The following SLC44A5 variants were observed in gnomAD, a reference collection of about 807,000 sequenced individuals.
SLC44A5 encodes the protein solute carrier family 44 member 5.
Under a neutral mutation model 101.8 loss-of-function variants are expected in SLC44A5, and 57 were observed. The observed-to-expected ratio is 0.56, with a 90% CI of 0.45 to 0.70. The LOEUF (loss-of-function observed/expected upper bound fraction) is 0.70, where lower values mean the gene tolerates loss of function less well. SLC44A5 is among the 30% of genes least tolerant of loss of function. The pLI is 0.00. For synonymous variants in SLC44A5, 281 were observed against 290.9 expected, an observed-to-expected ratio of 0.97 and a Z score of 0.35; for missense variants, 737 against 853.1, an observed-to-expected ratio of 0.86 and a Z score of 1.70.
At chr1:75,552,974 A>G (rs211782) in intron 1 of SLC44A5, among the ~76,000 whole-genome samples, 144,615 of 152,102 alleles carry the variant, frequency 0.95, 68,787 homozygotes, top group East Asian at 0.98. Flanking sequence ...ATCGTTCCTG[A>G]CATTTAACAG....
At chr1:75,719,438 A>G in the SLC44A5 span, among the ~76,000 whole-genome samples, 1 of 152,150 alleles carries the variant, frequency 6.6e-6, no homozygotes, top group African/African-American at 2.4e-5. Context: ...TCCTAGTATA[A>G]TTTATCCTTG....
At chr1:75,624,761 T>C in the SLC44A5 span, among the ~76,000 whole-genome samples, 1 of 152,170 alleles carries the variant, frequency 6.6e-6, no homozygotes, top group African/African-American at 2.4e-5. Context: ...ATCTTCTCTC[T>C]GAACCTCAAT....
chr1:75,697,091 C>T, the SLC44A5 span, among the ~76,000 whole-genome samples: 1 of 152,018 alleles, frequency 6.6e-6, no homozygotes, highest in Non-Finnish European at 1.5e-5. Flanking sequence ...TAAATTATAT[C>T]TCAATAAAGT....
the SLC44A5 span, among the ~76,000 whole-genome samples, chr1:75,631,640 G>A: frequency 5.1e-5 from 7 of 137,382 alleles, no homozygotes; most frequent in Middle Eastern, 9.2e-3. Flanking sequence ...TCTGCCTCCC[G>A]ATTCTCCTGC....
the SLC44A5 span, among the ~76,000 whole-genome samples, chr1:75,691,898 G>T: frequency 6.6e-6 from 1 of 152,130 alleles, no homozygotes; most frequent in Non-Finnish European, 1.5e-5. Flanking sequence ...TTTCCCAAAG[G>T]CCTCACCTCC....
intron 1 of SLC44A5, among the ~76,000 whole-genome samples, chr1:75,600,938 CTG>C (rs1222891568): frequency 6.6e-6 from 1 of 152,130 alleles, no homozygotes; most frequent in Non-Finnish European, 1.5e-5. Context: ...CAATGCATGA[CTG>C]TGTATAAAGA....
At chr1:75,565,626 T>C (rs1265806449) in intron 1 of SLC44A5, among the ~76,000 whole-genome samples, 1 of 152,200 alleles carries the variant, frequency 6.6e-6, no homozygotes, top group Admixed American at 6.5e-5. Context: ...CAGGCAGTAA[T>C]GTAGAACAGG....
At chr1:75,651,528 C>T in the SLC44A5 span, among the ~76,000 whole-genome samples, 1 of 151,834 alleles carries the variant, frequency 6.6e-6, no homozygotes, top group Non-Finnish European at 1.5e-5. Context: ...AACCTCCTCT[C>T]TACTAAAAAA....
At chr1:75,607,041 T>A (rs1412564724) in intron 1 of SLC44A5, among the ~76,000 whole-genome samples, 1 of 152,052 alleles carries the variant, frequency 6.6e-6, no homozygotes, top group Non-Finnish European at 1.5e-5. Flanking sequence ...ATTCATATGA[T>A]CAGCCCAAGC....
chr1:75,316,706 T>G (rs1469056502), intron 4 of SLC44A5, among the ~76,000 whole-genome samples: 1 of 152,244 alleles, frequency 6.6e-6, no homozygotes, highest in Non-Finnish European at 1.5e-5. Flanking sequence ...GAAGGAGGGT[T>G]AGTATTCTGA....
chr1:75,302,104 G>GTTATT (rs1654497769), intron 4 of SLC44A5, among the ~76,000 whole-genome samples: 1 of 49,588 alleles, frequency 2.0e-5, no homozygotes, highest in Admixed American at 2.9e-4. Context: ...AGGTGCTCTA[G>GTTATT]TTTTTTTGTT....
intron 6 of SLC44A5, among the ~76,000 whole-genome samples, chr1:75,274,654 T>C (rs1651770038): frequency 6.6e-6 from 1 of 152,174 alleles, no homozygotes; most frequent in African/African-American, 2.4e-5. Flanking sequence ...AGCCCATTTA[T>C]AAGGCATTTT....
the SLC44A5 span, among the ~76,000 whole-genome samples, chr1:75,703,878 A>G: frequency 6.6e-6 from 1 of 152,076 alleles, no homozygotes; most frequent in African/African-American, 2.4e-5. Context: ...TAGCAAAATA[A>G]AGGAATCAAA....
At chr1:75,326,493 T>C (rs1656610635) in intron 4 of SLC44A5, among the ~76,000 whole-genome samples, 1 of 152,070 alleles carries the variant, frequency 6.6e-6, no homozygotes, top group Non-Finnish European at 1.5e-5. Context: ...CCCAATTGTA[T>C]TGCAAATGAT....
intron 1 of SLC44A5, among the ~76,000 whole-genome samples, chr1:75,604,416 C>G (rs753478989): frequency 7.2e-5 from 11 of 152,224 alleles, no homozygotes; most frequent in Non-Finnish European, 1.3e-4. Flanking sequence ...CTTACTGTAG[C>G]CTTACAATAT....
intron 2 of SLC44A5, among the ~76,000 whole-genome samples, chr1:75,535,080 T>C (rs1346677901): frequency 6.6e-6 from 1 of 152,022 alleles, no homozygotes; most frequent in Non-Finnish European, 1.5e-5. Flanking sequence ...GCTTTTTTTT[T>C]TTTTTTTTTA....
At chr1:75,333,584 T>C (rs1657219218) in intron 4 of SLC44A5, among the ~76,000 whole-genome samples, 1 of 152,120 alleles carries the variant, frequency 6.6e-6, no homozygotes, top group Admixed American at 6.6e-5. Flanking sequence ...TAATTAACTA[T>C]GCTTTCTATG....
At chr1:75,623,253 T>C in the SLC44A5 span, among the ~76,000 whole-genome samples, 1 of 152,102 alleles carries the variant, frequency 6.6e-6, no homozygotes, top group African/African-American at 2.4e-5. Flanking sequence ...GAGGGCAACA[T>C]ATAGCATAAT....
chr1:75,517,238 CTCCTGCACAAATTCAGGAT>C (rs1029864711), intron 2 of SLC44A5, among the ~76,000 whole-genome samples: 19 of 152,066 alleles, frequency 1.2e-4, no homozygotes, highest in African/African-American at 4.6e-4. Flanking sequence ...GTGTGAGACG[CTCCTGCACAAATTCAGGAT>C]CACAAATGAG....
Sources: allele counts gnomAD v4.1 joint callset (sites outside exome capture counted in the v4.1 genomes callset), GRCh38; gene constraint gnomAD v4.1.1; transcripts MANE v1.5; gene names NCBI Gene and HGNC (gene_info 2026-07-23, HGNC 2026-07-21).